Variants in CNR2 observed in about 807,000 individuals in gnomAD.
CNR2 encodes the protein cannabinoid receptor 2.
For missense variants in CNR2, 379 were observed against 439.9 expected (o/e 0.86, Z 1.24); for synonymous variants, 172 against 182.2 (o/e 0.94, Z 0.45).
chr1:23,897,972 A>C (rs554237046), intron 1 of CNR2, among the ~76,000 whole-genome samples: 19 of 152,212 alleles, frequency 1.2e-4, no homozygotes, highest in Non-Finnish European at 2.2e-4. Flanking sequence ...TTTTACAAGC[A>C]CTGTGTCCTT....
chr1:23,891,846 AT>A (rs1037569171), intron 1 of CNR2, among the ~76,000 whole-genome samples: 7 of 151,900 alleles, frequency 4.6e-5, no homozygotes, highest in African/African-American at 1.7e-4. Flanking sequence ...TCATCTTTGT[AT>A]CTCACTTGCT....
At position 23,875,510 on chromosome 1, in the gene CNR2, A is replaced by G; in HGVS notation, c.108T>C (p.Val36=). 1 of 1,614,096 alleles carries G rather than the reference A, an allele frequency of 6.2e-7. No homozygotes were observed. Among genetic ancestry groups the G allele is most frequent in the Non-Finnish European group, 8.5e-7 (1 of 1,180,016 alleles). The change falls in exon 2 of 2, where the codon GTT becomes GTC. Residue 36 remains valine, a synonymous_variant. Transcript: ENST00000374472. ...GGCCCAGAAGAGTGCACAACACAGC[A>G]ACAGCTGTCTTCTGGGGACCACTCA... ...MILSGPQKTA[V]AVLCTLLGLL... is the part of the protein sequence containing the mutation.
At chr1:23,888,243 G>A (rs1480321832) in intron 1 of CNR2, among the ~76,000 whole-genome samples, 1 of 152,216 alleles carries the variant, frequency 6.6e-6, no homozygotes, top group Non-Finnish European at 1.5e-5. Context: ...AACAGAGACA[G>A]ACTTAGTGTT....
At chr1:23,902,598 T>C (rs1640418972) in intron 1 of CNR2, 9 of 1,605,198 alleles carry the variant, frequency 5.6e-6, no homozygotes, top group Non-Finnish European at 7.7e-6. Flanking sequence ...GAACATGGCA[T>C]AGAAGACGGA....
At chr1:23,881,629 C>A (rs1639989939) in intron 1 of CNR2, among the ~76,000 whole-genome samples, 1 of 151,320 alleles carries the variant, frequency 6.6e-6, no homozygotes, top group Admixed American at 6.6e-5. Flanking sequence ...GTGGCTCACA[C>A]CTGTAATCCC....
At chr1:23,902,613 C>T in intron 1 of CNR2, 1 of 1,603,192 alleles carries the variant, frequency 6.2e-7, no homozygotes, top group Non-Finnish European at 8.5e-7. Context: ...GACGGAGCTG[C>T]AGACAGCCAG....
chr1:23,884,941 C>T (rs1303347804), intron 1 of CNR2, among the ~76,000 whole-genome samples: 1 of 152,166 alleles, frequency 6.6e-6, no homozygotes, highest in Non-Finnish European at 1.5e-5. Flanking sequence ...GCTGGGATCA[C>T]AGGCGTCTGC....
intron 1 of CNR2, among the ~76,000 whole-genome samples, chr1:23,894,505 G>C (rs1318283970): frequency 7.1e-6 from 1 of 141,430 alleles, no homozygotes; most frequent in African/African-American, 2.6e-5. Context: ...AGGAAGGAAG[G>C]GAGGGAAAGA....
chr1:23,894,738 C>G (rs1410362804), intron 1 of CNR2, among the ~76,000 whole-genome samples: 1 of 147,216 alleles, frequency 6.8e-6, no homozygotes, highest in African/African-American at 2.5e-5. Flanking sequence ...TGCACTCCAC[C>G]CTGGGCAACA....
intron 1 of CNR2, chr1:23,902,751 T>TG (rs1640422191): frequency 6.5e-7 from 1 of 1,527,250 alleles, no homozygotes; most frequent in Non-Finnish European, 8.7e-7. Flanking sequence ...CCGCGCCATT[T>TG]GGGGCTCTCC....
intron 1 of CNR2, among the ~76,000 whole-genome samples, chr1:23,899,248 A>G (rs1255839251): frequency 6.6e-6 from 1 of 152,110 alleles, no homozygotes; most frequent in African/African-American, 2.4e-5. Flanking sequence ...AGACTCATAT[A>G]TCTGGTGCCA....
In CNR2 at chr1:23,874,516, A is replaced by C; in HGVS notation, c.*19T>G. On this transcript the variant is annotated 3_prime_UTR_variant, in exon 2 of 2. Transcript: ENST00000374472. ...AACTGATTTCTGACTTGAGTTGTTT[A>C]AATTGGGAAGAGGCCTCATCAGCAA... The C allele has an allele frequency of 6.3e-7, 1 of 1,598,852 alleles. No homozygotes were observed.
chr1:23,912,680 G>A (rs1640606919), intron 1 of CNR2, among the ~76,000 whole-genome samples: 1 of 152,224 alleles, frequency 6.6e-6, no homozygotes, highest in Non-Finnish European at 1.5e-5. Context: ...CCATCTCTGT[G>A]TGTGTGATTC....
intron 1 of CNR2, among the ~76,000 whole-genome samples, chr1:23,878,967 A>C (rs1445421904): frequency 6.6e-6 from 1 of 152,240 alleles, no homozygotes; most frequent in East Asian, 1.9e-4. Context: ...TCACTGAAGG[A>C]ACATCTAAAG....
chr1:23,909,563 T>C (rs1640550410), intron 1 of CNR2, among the ~76,000 whole-genome samples: 1 of 152,092 alleles, frequency 6.6e-6, no homozygotes, highest in Admixed American at 6.5e-5. Flanking sequence ...TCAGAGATCA[T>C]CATGGAAACA....
chr1:23,900,831 C>T (rs7520719), intron 1 of CNR2, among the ~76,000 whole-genome samples: 150,381 of 152,198 alleles, frequency 0.99, 74,319 homozygotes, highest in East Asian at 1. Flanking sequence ...TTATCCTTCC[C>T]ACCTTGGACC....
intron 1 of CNR2, among the ~76,000 whole-genome samples, chr1:23,909,417 C>T (rs74065435): frequency 0.036 from 5,544 of 152,166 alleles, 316 homozygotes; most frequent in African/African-American, 0.12. Flanking sequence ...CTTGGCTGTG[C>T]GTGGGTTCCC....
At chr1:23,910,720 A>G (rs1264211852) in intron 1 of CNR2, among the ~76,000 whole-genome samples, 1 of 151,958 alleles carries the variant, frequency 6.6e-6, no homozygotes, top group Non-Finnish European at 1.5e-5. Context: ...AACAAAAAAC[A>G]AAAAACAAGA....
intron 1 of CNR2, among the ~76,000 whole-genome samples, chr1:23,889,660 G>A (rs1640152970): frequency 6.6e-6 from 1 of 152,082 alleles, no homozygotes; most frequent in Admixed American, 6.6e-5. Context: ...AAAGCAGTTG[G>A]ATTGATGGAG....
Sources: allele counts gnomAD v4.1 joint callset (sites outside exome capture counted in the v4.1 genomes callset), GRCh38; gene constraint gnomAD v4.1.1; transcripts MANE v1.5; gene names NCBI Gene and HGNC (gene_info 2026-07-23, HGNC 2026-07-21).